TVP23C: variants seen among roughly 807,000 people sequenced by gnomAD.
The protein encoded by TVP23C is Golgi apparatus membrane protein TVP23 homolog C.
A neutral mutation model predicts 28.7 loss-of-function variants in TVP23C; 19 were observed. The observed-to-expected ratio is 0.66, with a 90% confidence interval of 0.46 to 0.97. The LOEUF is 0.97. Ranked by LOEUF, TVP23C falls within the 50% of genes least tolerant of loss-of-function variation. TVP23C has a pLI of 0.00. For synonymous variants in TVP23C, 68 were observed against 81.7 expected, an observed-to-expected ratio of 0.83 and a Z score of 0.90; for missense variants, 186 against 241.3, an observed-to-expected ratio of 0.77 and a Z score of 1.52.
chr17:15,554,338 C>A (rs1254408702), intron 2 of TVP23C, among the ~76,000 whole-genome samples: 3 of 149,464 alleles, frequency 2.0e-5, no homozygotes, highest in Non-Finnish European at 3.0e-5. Context: ...CCTGGGTTCA[C>A]GCCATTGTCC....
Position 15,537,905 on chromosome 17 carries a change from T to G in TVP23C, c.*2507A>C. 2.1e-6 allele frequency: 3 copies of G among 1,430,540 alleles called. No individual in the cohort carries two copies. The highest frequency in any genetic ancestry group is 2.7e-6 in the Non-Finnish European group (3 of 1,094,170). 88.6% of individuals were successfully genotyped at this position (1,430,540 alleles called of 1,614,324 possible). On this transcript the variant is annotated 3_prime_UTR_variant, in exon 6 of 6. Transcript: ENST00000518321. ...GCATACCTACACCACAGAACAAATC[T>G]TAACAATGTTTCTAGTGCCAACATA...
Position 15,538,339 on chromosome 17 carries a change from C to T in TVP23C, c.*2073G>A, listed in dbSNP as rs1983246925. 1 of 939,600 alleles carries T rather than the reference C, an allele frequency of 1.1e-6. No homozygotes were observed. Among genetic ancestry groups the T allele is most frequent in the African/African-American group, 1.8e-5 (1 of 56,008 alleles). 58.2% of individuals were successfully genotyped at this position (939,600 alleles called of 1,614,324 possible). On this transcript the variant is annotated 3_prime_UTR_variant, in exon 6 of 6. Transcript: ENST00000518321. ...GGCGCCGTGGCTTACACCTGTAATCCCAGCACTTTGGGAGGCCGAGGAGGG... is the reference window on the plus strand; with the variant it reads ...GGCGCCGTGGCTTACACCTGTAATCTCAGCACTTTGGGAGGCCGAGGAGGG...
At chr17:15,532,961 G>A (rs562664996), downstream of TVP23C, among the ~76,000 whole-genome samples, 194 of 152,226 alleles carry the variant, frequency 1.3e-3, 3 homozygotes, top group African/African-American at 4.0e-3. Flanking sequence ...CCTTCAGTAA[G>A]CAACACAGAA....
At chr17:15,557,231 C>T (rs1038400920) in intron 1 of TVP23C, among the ~76,000 whole-genome samples, 1 of 148,882 alleles carries the variant, frequency 6.7e-6, no homozygotes, top group Non-Finnish European at 1.5e-5. Flanking sequence ...ATTCTTATTG[C>T]ACATCTACCC....
At chr17:15,536,257 C>T (rs1316534856), downstream of TVP23C, among the ~76,000 whole-genome samples, 1 of 152,170 alleles carries the variant, frequency 6.6e-6, no homozygotes, top group African/African-American at 2.4e-5. Context: ...CAGACAGTAT[C>T]TACCTCATTT....
chr17:15,523,975 T>C (rs1325106900), intron 5 of TVP23C, among the ~76,000 whole-genome samples: 2 of 152,058 alleles, frequency 1.3e-5, no homozygotes, highest in Non-Finnish European at 2.9e-5. Flanking sequence ...ATTTCAAAGA[T>C]GTCCTATACG....
At chr17:15,559,072 T>A (rs975095497) in intron 1 of TVP23C, among the ~76,000 whole-genome samples, 9 of 147,972 alleles carry the variant, frequency 6.1e-5, no homozygotes, top group African/African-American at 2.2e-4. Context: ...GCAATTCTCC[T>A]GCCTTAGCCT....
exon 6 of TVP23C, chr17:15,502,484 G>T (rs891323123): frequency 2.6e-5 from 5 of 194,956 alleles, no homozygotes; most frequent in South Asian, 1.7e-4. Context: ...GGACCGTGGT[G>T]CCAGTAAAAC....
chr17:15,534,114 T>C (rs978963421), downstream of TVP23C, among the ~76,000 whole-genome samples: 2 of 152,098 alleles, frequency 1.3e-5, no homozygotes, highest in Admixed American at 6.5e-5. Flanking sequence ...CTGACAGCTG[T>C]AGGGGTTGCT....
intron 3 of TVP23C, among the ~76,000 whole-genome samples, chr17:15,552,385 T>C (rs1009609771): frequency 6.6e-6 from 1 of 152,148 alleles, no homozygotes; most frequent in Non-Finnish European, 1.5e-5. Flanking sequence ...CAGATATCTT[T>C]AAGAATTAAA....
Position 15,560,656 on chromosome 17 carries a change from C to T in TVP23C, c.12+2781G>A, listed in dbSNP as rs137942605. ...CTGCAAGCTCCGCCTCCCAGGTTTA[C>T]GCCATTCTCCTGCCTCAGCTTCCCG... On this transcript the variant is annotated intron_variant, in intron 1 of 5. Coordinates refer to ENST00000518321, the MANE Select transcript of TVP23C (RefSeq NM_001135036.2). Among the ~76,000 whole-genome samples the T allele has an allele frequency of 7.6e-3, 1,124 of 148,782 alleles. 32 individuals are homozygous for T. Among genetic ancestry groups the T allele is most frequent in the African/African-American group, 0.026 (1,060 of 41,192 alleles).
At chr17:15,546,176 C>A (rs1335625535) in intron 4 of TVP23C, among the ~76,000 whole-genome samples, 4 of 151,852 alleles carry the variant, frequency 2.6e-5, no homozygotes, top group South Asian at 4.2e-4. Flanking sequence ...CTCTGATAGG[C>A]TTCTATTCAA....
At chr17:15,560,418 AC>A (rs1478197090) in intron 1 of TVP23C, among the ~76,000 whole-genome samples, 1 of 149,582 alleles carries the variant, frequency 6.7e-6, no homozygotes, top group Non-Finnish European at 1.5e-5. Context: ...CAGTTCCAGT[AC>A]AGTTGGGAGA....
At chr17:15,558,868 T>G (rs1176258720) in intron 1 of TVP23C, among the ~76,000 whole-genome samples, 1 of 133,620 alleles carries the variant, frequency 7.5e-6, no homozygotes, top group Non-Finnish European at 1.6e-5. Context: ...GACTGGCCAT[T>G]TTTTTTTTTT....
At chr17:15,544,172 C>T (rs2532463) in intron 5 of TVP23C, among the ~76,000 whole-genome samples, 4,938 of 151,410 alleles carry the variant, frequency 0.033, 176 homozygotes, top group African/African-American at 0.092. Flanking sequence ...GAATAGCATC[C>T]TCCAAAAAGA....
chr17:15,540,665 A>T (rs558406362), intron 5 of TVP23C, 104 bp from the exon 6 acceptor site: 1 of 642,334 alleles, frequency 1.6e-6, no homozygotes, highest in Non-Finnish European at 2.8e-6. Flanking sequence ...GAGAAGGAAG[A>T]GGAAGCTCTG....
At chr17:15,525,199 C>T (rs569930534) in intron 5 of TVP23C, among the ~76,000 whole-genome samples, 332 of 152,302 alleles carry the variant, frequency 2.2e-3, no homozygotes, top group African/African-American at 7.8e-3. Context: ...GGCACATGCC[C>T]AATAAATGTT....
rs1408457598 is a variant in TVP23C, at chr17:15,547,081, T to C, written c.308A>G (p.His103Arg). 5.6e-6 allele frequency: 9 copies of C among 1,606,700 alleles called. No individual in the cohort carries two copies. The highest frequency in any genetic ancestry group is 7.6e-6 in the Non-Finnish European group (9 of 1,177,362). ...WNHIDEDGKS[H>R]WVFESRKESS... ...TACCTTTCTAGATTCAAACACCCAA[T>C]GGCTCTTTCCATCTTCATCAATGTG... Residue 103 changes from histidine to arginine, a missense_variant, in exon 4 of 6, where the codon CAT becomes CGT. Physicochemically the swap from His to Arg is conservative, Grantham distance 29. Around this residue, in one of 3 missense-constraint regions of TVP23C, gnomAD observed 20 missense variants for 51.0 expected, o/e 0.39. Coordinates refer to ENST00000518321, the MANE Select transcript of TVP23C (RefSeq NM_001135036.2).
chr17:15,516,016 G>A (rs1277856100), intron 5 of TVP23C, among the ~76,000 whole-genome samples: 1 of 152,134 alleles, frequency 6.6e-6, no homozygotes, highest in Non-Finnish European at 1.5e-5. Context: ...TCTCCTGCCA[G>A]GTAAGACGCG....
Sources: allele counts gnomAD v4.1 joint callset (sites outside exome capture counted in the v4.1 genomes callset), GRCh38; gene constraint gnomAD v4.1.1; regional missense constraint gnomAD v4.1.1; transcripts MANE v1.5; gene names NCBI Gene and HGNC (gene_info 2026-07-23, HGNC 2026-07-21).